Variants in RBMXL1 observed in about 807,000 individuals in gnomAD.
RBMXL1 encodes RNA binding motif protein, X-linked-like-1.
A neutral mutation model predicts 29.0 loss-of-function variants in RBMXL1; 18 were observed. The observed-to-expected ratio is 0.62, with a 90% CI of 0.43 to 0.92. The LOEUF (loss-of-function observed/expected upper bound fraction) is 0.92. Among genes scored for constraint, RBMXL1 ranks in the 40% least tolerant of loss-of-function variants. RBMXL1 has a pLI of 0.00. For missense variants in RBMXL1, 403 were observed against 495.8 expected, an observed-to-expected ratio of 0.81 and a Z score of 1.78; for synonymous variants, 141 against 170.4, an observed-to-expected ratio of 0.83 and a Z score of 1.34.
In RBMXL1 at chr1:88,988,350, T is replaced by C; in HGVS notation, c.-339A>G. On this transcript the variant is annotated splice_region_variant and 5_prime_UTR_variant, in exon 2 of 3. An upstream start codon of the reference 5' UTR is lost. Transcript: ENST00000652648. ...CAGAGGCTCCTCTGGGCCAAAAACA[T>C]GCTATTAAATAAAAGAAAAATTGAG... 1.2e-6 allele frequency: 2 copies of C among 1,603,196 alleles called. No homozygotes were observed. Among genetic ancestry groups the C allele is most frequent in the African/African-American group, 1.3e-5 (1 of 74,716 alleles).
At chr1:88,990,866 C>T (rs1677753961) in intron 1 of RBMXL1, among the ~76,000 whole-genome samples, 3 of 152,132 alleles carry the variant, frequency 2.0e-5, no homozygotes, top group African/African-American at 7.2e-5. Flanking sequence ...TATATATATT[C>T]ACAAATGAGA....
chr1:88,981,480 G>C lies in RBMXL1; in HGVS notation c.*1174C>G, dbSNP rs1444290675. 1 of 154,454 alleles carries C rather than the reference G, an allele frequency of 6.5e-6. No individual in the cohort carries two copies. The highest frequency in any genetic ancestry group is 2.4e-5 in the African/African-American group (1 of 41,406). The allele number at this position is 154,454 out of a possible 1,614,324, so 9.6% of individuals were successfully genotyped here. On this transcript the variant is annotated 3_prime_UTR_variant, in exon 3 of 3. Coordinates refer to ENST00000652648, the MANE Select transcript of RBMXL1 (RefSeq NM_001162536.3). Reference sequence around the variant, plus strand: ...TTAATTACTTCCCCTTTTCCATTTGGTCAATTACTTAAGTAACTACCACTC... The same window carrying C: ...TTAATTACTTCCCCTTTTCCATTTGCTCAATTACTTAAGTAACTACCACTC...
rs1399244134 is a variant in RBMXL1 at position 88,980,369 on chromosome 1, A to G, written c.*2285T>C. On this transcript the variant is annotated 3_prime_UTR_variant, in exon 3 of 3. Transcript: ENST00000652648. ...ATCATGCCTTCTTTTCTCCCTCTGGACCAAGCACCCGCCCAAGCAAGCCAA... is the reference window on the plus strand; with the variant it reads ...ATCATGCCTTCTTTTCTCCCTCTGGGCCAAGCACCCGCCCAAGCAAGCCAA... The G allele has an allele frequency of 6.6e-6, 1 of 152,546 alleles. No individual in the cohort carries two copies. Among genetic ancestry groups the G allele is most frequent in the Non-Finnish European group, 1.5e-5 (1 of 68,016 alleles). The allele number at this position is 152,546 out of a possible 1,614,324, so 9.4% of individuals were successfully genotyped here.
rs1676985753 is a variant in RBMXL1, at chr1:88,979,759, T to C, written c.*2895A>G. On this transcript the variant is annotated 3_prime_UTR_variant, in exon 3 of 3. Transcript: ENST00000652648. ...TAGCCCCTTTGGAAAACAAACAGTT[T>C]GGCAGTTACTTTATTAAACATAAAT... 1 of 152,252 alleles carries C rather than the reference T, an allele frequency of 6.6e-6. No individual in the cohort carries two copies. Among genetic ancestry groups the C allele is most frequent in the Non-Finnish European group, 1.5e-5 (1 of 68,048 alleles). The allele number at this position is 152,252 out of a possible 1,614,324, so 9.4% of individuals were successfully genotyped here.
Position 88,980,476 on chromosome 1 carries a change from T to C in RBMXL1, c.*2178A>G, listed in dbSNP as rs1437494328. On this transcript the variant is annotated 3_prime_UTR_variant, in exon 3 of 3. Coordinates refer to ENST00000652648, the MANE Select transcript of RBMXL1 (RefSeq NM_001162536.3). ...TTGTATTAAGTTTCAATACAAAACA[T>C]TCCAAAAAGTGAAAAGTGATCTATA... 1 of 152,426 alleles carries C rather than the reference T, an allele frequency of 6.6e-6. No individual in the cohort carries two copies. The allele number at this position is 152,426 out of a possible 1,614,324, so 9.4% of individuals were successfully genotyped here.
chr1:88,986,313 TA>T (rs1362947645), intron 2 of RBMXL1, among the ~76,000 whole-genome samples: 4,899 of 141,568 alleles, frequency 0.035, 221 homozygotes, highest in African/African-American at 0.11. Flanking sequence ...TAGACTCTCT[TA>T]AAAAAAAAAA....
chr1:88,988,196 T>G, intron 2 of RBMXL1, 56 bp downstream of exon 2: 1 of 1,123,760 alleles, frequency 8.9e-7, no homozygotes, highest in Non-Finnish European at 1.3e-6. Context: ...AATTACATAT[T>G]TTTTGGACAG....
At chr1:88,989,491 A>T (rs1222787340) in intron 1 of RBMXL1, among the ~76,000 whole-genome samples, 2 of 152,172 alleles carry the variant, frequency 1.3e-5, no homozygotes, top group African/African-American at 4.8e-5. Flanking sequence ...AGTAGCGGGA[A>T]CCCTCTAACG....
chr1:88,991,214 G>A (rs1677775736), intron 1 of RBMXL1, among the ~76,000 whole-genome samples: 1 of 152,146 alleles, frequency 6.6e-6, no homozygotes, highest in Admixed American at 6.5e-5. Context: ...TTGGGGGGCC[G>A]AATATAAAGC....
At chr1:88,986,039 G>C (rs1056817209) in intron 2 of RBMXL1, among the ~76,000 whole-genome samples, 3 of 152,058 alleles carry the variant, frequency 2.0e-5, no homozygotes, top group African/African-American at 7.2e-5. Context: ...ATATTGGCCG[G>C]GAGTGGTGGC....
chr1:88,982,870 T>TC lies in RBMXL1; in HGVS notation c.956dup (p.Tyr320IlefsTer14), dbSNP rs750590685. The TC allele has an allele frequency of 9.9e-6, 16 of 1,613,964 alleles. No homozygotes were observed. The highest frequency in any genetic ancestry group is 8.5e-7 in the Non-Finnish European group (1 of 1,179,864). On this transcript the variant is annotated frameshift_variant, in exon 3 of 3. Transcript: ENST00000652648. LOFTEE classifies it high-confidence loss of function. ...AGTAACTGTCTCGACTTCCACCATA[T>TC]CCATCACGTGAGCTGCTATAATCAT... is the stretch of plus-strand genomic sequence containing the variant.
At chr1:88,985,230 A>C (rs556684190) in intron 2 of RBMXL1, among the ~76,000 whole-genome samples, 8 of 152,214 alleles carry the variant, frequency 5.3e-5, no homozygotes, top group Non-Finnish European at 7.3e-5. Flanking sequence ...GAGTAAGTGA[A>C]GGGAGTGCGT....
At position 88,979,483 on chromosome 1, in the gene RBMXL1, T is replaced by A. The variant is rs1676966591; in HGVS notation, c.*3171A>T. 6.6e-6 allele frequency: 1 copy of A among 152,176 alleles called. No individual in the cohort carries two copies. Among genetic ancestry groups the A allele is most frequent in the African/African-American group, 2.4e-5 (1 of 41,426 alleles). The allele number at this position is 152,176 out of a possible 1,614,324, so 9.4% of individuals were successfully genotyped here. A position where few individuals can be genotyped will look rare whatever the true frequency, so the allele number is the denominator to read the frequency against. ...TCTTACAAAGGACTTTAATACAGTA[T>A]ATATAAAGAACTTTTACAACTCAAT... On this transcript the variant is annotated 3_prime_UTR_variant, in exon 3 of 3. Transcript: ENST00000652648.
At chr1:88,992,353 G>C (rs1437299909) in intron 1 of RBMXL1, among the ~76,000 whole-genome samples, 1 of 152,222 alleles carries the variant, frequency 6.6e-6, no homozygotes, top group Non-Finnish European at 1.5e-5. Context: ...GAGTAAAAGC[G>C]CCAAGACGGT....
intron 2 of RBMXL1, among the ~76,000 whole-genome samples, chr1:88,985,918 T>G (rs2101092841): frequency 6.6e-6 from 1 of 152,210 alleles, no homozygotes; most frequent in East Asian, 1.9e-4. Flanking sequence ...CAGTGACTCA[T>G]GCCTGTAATC....
chr1:88,988,171 A>T, intron 2 of RBMXL1, 81 bp downstream of exon 2: 1 of 870,444 alleles, frequency 1.1e-6, no homozygotes, highest in East Asian at 2.5e-5. Context: ...AGTATTTGTA[A>T]AAAAGCATCT....
chr1:88,979,931 A>G lies in RBMXL1; in HGVS notation c.*2723T>C, dbSNP rs1379072235. The stretch of plus-strand genomic sequence containing the variant: ...GGAAACAATCCCAAGGTCCATCAAC[A>G]GGTGAGTAGAAAAACAAATAATGGC... On this transcript the variant is annotated 3_prime_UTR_variant, in exon 3 of 3. Transcript: ENST00000652648. 6.6e-6 allele frequency: 1 copy of G among 152,246 alleles called. No homozygotes were observed. Among genetic ancestry groups the G allele is most frequent in the East Asian group, 1.9e-4 (1 of 5,202 alleles). The allele number at this position is 152,246 out of a possible 1,614,324, so 9.4% of individuals were successfully genotyped here. A position where few individuals can be genotyped will look rare whatever the true frequency, so the allele number is the denominator to read the frequency against.
At chr1:88,987,830 T>C (rs993186815) in intron 2 of RBMXL1, among the ~76,000 whole-genome samples, 4 of 152,262 alleles carry the variant, frequency 2.6e-5, no homozygotes, top group African/African-American at 7.2e-5. Context: ...ATCTCTCTGA[T>C]TGTCTTTAAA....
At position 88,983,900 on chromosome 1, in the gene RBMXL1, T is replaced by G. The variant is rs543406135; in HGVS notation, c.-74A>C. On this transcript the variant is annotated 5_prime_UTR_variant, in exon 3 of 3. Transcript: ENST00000652648. Reference sequence around the variant, plus strand: ...AACAAGCTCGCCGACAGGGGCTTCCTAGCAGCTCAGCACCAGTGGCGGCTG... The same window carrying G: ...AACAAGCTCGCCGACAGGGGCTTCCGAGCAGCTCAGCACCAGTGGCGGCTG... The G allele has an allele frequency of 6.3e-7, 1 of 1,580,198 alleles. No homozygotes were observed. The highest frequency in any genetic ancestry group is 2.2e-5 in the East Asian group (1 of 44,670).
Sources: gnomAD v4.1 joint callset for allele counts (sites outside exome capture counted in the v4.1 genomes callset) on GRCh38, gnomAD v4.1.1 for gene constraint, MANE v1.5 for transcripts, NCBI Gene and HGNC (gene_info 2026-07-23, HGNC 2026-07-21) for gene names.